The following WDR89 variants were observed in gnomAD, a reference collection of about 807,000 sequenced individuals.
The protein encoded by WDR89 is WD repeat-containing protein 89.
A neutral mutation model predicts 29.1 loss-of-function variants in WDR89; 17 were observed. The observed-to-expected ratio is 0.58, with a 90% CI of 0.40 to 0.88. The LOEUF (loss-of-function observed/expected upper bound fraction) is 0.88. Ranked by LOEUF, WDR89 falls within the 40% of genes least tolerant of loss-of-function variation. The pLI is 0.00. For missense variants in WDR89, 396 were observed against 456.3 expected (o/e 0.87, Z 1.20); for synonymous variants, 138 against 157.8 (o/e 0.87, Z 0.94).
chr14:63,640,888 A>G (rs1243925094), intron 1 of WDR89, among the ~76,000 whole-genome samples: 1 of 150,238 alleles, frequency 6.7e-6, no homozygotes, highest in African/African-American at 2.4e-5. Context: ...ACCTGAAGTC[A>G]GGAGTTCGAG....
At position 63,599,374 on chromosome 14, in the gene WDR89, G is replaced by A. The variant is rs753135459; in HGVS notation, c.569C>T (p.Ser190Leu). 6.2e-7 allele frequency: 1 copy of A among 1,614,144 alleles called. No individual in the cohort carries two copies. The highest frequency in any genetic ancestry group is 2.2e-5 in the East Asian group (1 of 44,884). ...AAATACATTTACCAGGCCATCAGAT[G>A]AACCTGAGACTACCATGTTGGGATT... ...PSNPNMVVSG[S>L]SDGLVNVFDI... The change falls in exon 3 of 3, where the codon TCA (serine) becomes TTA (leucine). Residue 190 changes from serine (S) to leucine (L), a missense_variant. Coordinates refer to ENST00000620954, the MANE Select transcript of WDR89 (RefSeq NM_080666.4).
At chr14:63,631,034 G>A (rs769928193) in intron 1 of WDR89, among the ~76,000 whole-genome samples, 19 of 152,184 alleles carry the variant, frequency 1.2e-4, no homozygotes, top group Non-Finnish European at 1.0e-4. Context: ...CCAAGTGCTG[G>A]GATTATAGGT....
intron 1 of WDR89, among the ~76,000 whole-genome samples, chr14:63,636,796 C>T (rs919974359): frequency 3.3e-5 from 5 of 152,128 alleles, no homozygotes; most frequent in African/African-American, 1.2e-4. Flanking sequence ...AAACCTAAGA[C>T]CTGAAACTAA....
At chr14:63,625,484 G>C (rs1346463595) in intron 1 of WDR89, among the ~76,000 whole-genome samples, 1 of 150,816 alleles carries the variant, frequency 6.6e-6, no homozygotes, top group Non-Finnish European at 1.5e-5. Context: ...AAATTTTATG[G>C]AATGTAAATT....
chr14:63,633,521 T>C (rs758999575), intron 1 of WDR89, among the ~76,000 whole-genome samples: 20 of 152,236 alleles, frequency 1.3e-4, no homozygotes, highest in Non-Finnish European at 2.4e-4. Flanking sequence ...GACTTTGTTT[T>C]GCATTTTGAG....
At chr14:63,609,522 T>C (rs1220614806) in intron 2 of WDR89, among the ~76,000 whole-genome samples, 1 of 152,116 alleles carries the variant, frequency 6.6e-6, no homozygotes, top group African/African-American at 2.4e-5. Context: ...GGCGTGGTAG[T>C]TCACGCCTGT....
rs182181510 is a variant in WDR89, at chr14:63,641,847, G to C, written c.-181C>G. The C allele has an allele frequency of 5.9e-4, 90 of 152,442 alleles. No individual in the cohort carries two copies. The highest frequency in any genetic ancestry group is 2.1e-3 in the African/African-American group (86 of 41,598). 9.4% of individuals were successfully genotyped at this position (152,442 alleles called of 1,614,324 possible). The stretch of plus-strand genomic sequence containing the variant: ...TACCGGAGAAAACGCAGGCTGCGCG[G>C]CGGCTTAGAGCGGTCAAGTGGAACC... On this transcript the variant is annotated 5_prime_UTR_variant, in exon 1 of 3. Coordinates refer to ENST00000620954, the MANE Select transcript of WDR89 (RefSeq NM_080666.4).
chr14:63,634,566 A>G (rs966006092), intron 1 of WDR89, among the ~76,000 whole-genome samples: 2 of 151,914 alleles, frequency 1.3e-5, no homozygotes, highest in East Asian at 1.9e-4. Flanking sequence ...TCAGGGAAAT[A>G]GATAGCTTAA....
intron 2 of WDR89, among the ~76,000 whole-genome samples, chr14:63,605,567 C>A (rs1319683402): frequency 6.6e-6 from 1 of 151,934 alleles, no homozygotes; most frequent in East Asian, 1.9e-4. Flanking sequence ...TCAAGAAATT[C>A]TCCTGCCTCA....
intron 2 of WDR89, chr14:63,621,743 T>C (rs1438851594): frequency 6.6e-6 from 1 of 152,132 alleles, no homozygotes; most frequent in Non-Finnish European, 1.5e-5. Flanking sequence ...AAAAAGAGTA[T>C]AAAAGAAAGA....
chr14:63,613,815 A>C (rs866128569), intron 2 of WDR89, among the ~76,000 whole-genome samples: 19 of 145,328 alleles, frequency 1.3e-4, no homozygotes, highest in Admixed American at 1.4e-4. Context: ...TGAAATTTTT[A>C]AACATCTTTT....
At chr14:63,633,924 T>C (rs1883567196) in intron 1 of WDR89, among the ~76,000 whole-genome samples, 1 of 152,196 alleles carries the variant, frequency 6.6e-6, no homozygotes, top group Admixed American at 6.5e-5. Flanking sequence ...AACATAAGAA[T>C]TAGACTTAAG....
chr14:63,641,579 C>A (rs1884141293), intron 1 of WDR89, among the ~76,000 whole-genome samples: 1 of 152,254 alleles, frequency 6.6e-6, no homozygotes, highest in Admixed American at 6.5e-5. Context: ...GCCTGACCCG[C>A]AGAAGTTTCT....
chr14:63,640,371 T>G (rs1024265582), intron 1 of WDR89, among the ~76,000 whole-genome samples: 5 of 152,240 alleles, frequency 3.3e-5, no homozygotes, highest in African/African-American at 1.2e-4. Flanking sequence ...GTGAAAAAGC[T>G]GATGCTGACT....
In WDR89 at chr14:63,597,271, C is replaced by A. The variant is rs1566786470; in HGVS notation, c.*1508G>T. ...CGTAGGGGAAACCACCCCCATGATCCAATCACCTCCCACCAGGTCTCTCCC... is the reference window on the plus strand; with the variant it reads ...CGTAGGGGAAACCACCCCCATGATCAAATCACCTCCCACCAGGTCTCTCCC... On this transcript the variant is annotated 3_prime_UTR_variant, in exon 3 of 3. Transcript: ENST00000620954. 6.6e-6 allele frequency: 1 copy of A among 152,204 alleles called. No homozygotes were observed. The highest frequency in any genetic ancestry group is 1.5e-5 in the Non-Finnish European group (1 of 68,044). The allele number at this position is 152,204 out of a possible 1,614,324, so 9.4% of individuals were successfully genotyped here. A position where few individuals can be genotyped will look rare whatever the true frequency, so the allele number is the denominator to read the frequency against.
intron 2 of WDR89, among the ~76,000 whole-genome samples, chr14:63,602,615 A>T (rs570611356): frequency 1.1e-4 from 17 of 151,550 alleles, no homozygotes; most frequent in African/African-American, 2.2e-4. Flanking sequence ...TCTATTAAAA[A>T]TACAAAATTA....
chr14:63,618,382 T>C (rs956319888), intron 2 of WDR89, among the ~76,000 whole-genome samples: 5 of 152,102 alleles, frequency 3.3e-5, no homozygotes, highest in African/African-American at 1.2e-4. Flanking sequence ...CTCAAACTCC[T>C]GGACTCAAGC....
intron 2 of WDR89, among the ~76,000 whole-genome samples, chr14:63,609,514 C>T (rs908955110): frequency 1.1e-4 from 17 of 152,196 alleles, no homozygotes; most frequent in African/African-American, 3.9e-4. Context: ...TATGGCCGGG[C>T]GTGGTAGTTC....
chr14:63,640,181 T>C (rs991400506), intron 1 of WDR89, among the ~76,000 whole-genome samples: 2 of 152,222 alleles, frequency 1.3e-5, no homozygotes, highest in Non-Finnish European at 2.9e-5. Context: ...GGTACTTGAC[T>C]GCAAGTTACC....
Sources: gnomAD v4.1 joint callset for allele counts (sites outside exome capture counted in the v4.1 genomes callset) on GRCh38, gnomAD v4.1.1 for gene constraint, MANE v1.5 for transcripts, NCBI Gene and HGNC (gene_info 2026-07-23, HGNC 2026-07-21) for gene names.